TLR4: variants seen among roughly 807,000 people sequenced by gnomAD.
The protein encoded by TLR4 is toll like receptor 4, also known as toll-like receptor 4.
TLR4 carries 17 observed loss-of-function variants against 27.4 expected under a neutral mutation model. The observed-to-expected ratio is 0.62, with a 90% CI of 0.42 to 0.93. The LOEUF is 0.93. TLR4 is among the 40% of genes least tolerant of loss of function. The probability of loss-of-function intolerance (pLI) is 0.00; values close to 1 mark genes in which losing one functional copy is unlikely to be tolerated. For synonymous variants in TLR4, 363 were observed against 365.7 expected, an observed-to-expected ratio of 0.99 and a Z score of 0.08; for missense variants, 926 against 962.3, an observed-to-expected ratio of 0.96 and a Z score of 0.50.
At position 117,715,307 on chromosome 9, in the gene TLR4, C is replaced by T. The variant is rs1829325107; in HGVS notation, c.*659C>T. ...ATATCCAGTTTTCATTTTTTTACGT[C>T]TTGCCTATAAGCTAATATCATAAAT... On this transcript the variant is annotated 3_prime_UTR_variant, in exon 3 of 3. Coordinates refer to ENST00000355622, the MANE Select transcript of TLR4 (RefSeq NM_138554.5). 2 of 152,508 alleles carry T rather than the reference C, an allele frequency of 1.3e-5. No homozygotes were observed. The highest frequency in any genetic ancestry group is 2.4e-5 in the African/African-American group (1 of 41,408). The allele number at this position is 152,508 out of a possible 1,614,324, so 9.4% of individuals were successfully genotyped here.
chr9:117,713,232 A>T lies in TLR4; in HGVS notation c.1104A>T (p.Ser368=). 6.2e-7 allele frequency: 1 copy of T among 1,614,046 alleles called. No individual in the cohort carries two copies. The highest frequency in any genetic ancestry group is 8.5e-7 in the Non-Finnish European group (1 of 1,179,992). The stretch of plus-strand genomic sequence containing the variant: ...CCAACAAAGGTGGGAATGCTTTTTC[A>T]GAAGTTGATCTACCAAGCCTTGAGT... ...FTSNKGGNAF[S]EVDLPSLEFL... Residue 368 remains serine (S), a synonymous_variant, in exon 3 of 3, where the codon TCA becomes TCT. Transcript: ENST00000355622.
In TLR4 at chr9:117,719,686, C is replaced by T. The variant is rs957305355; in HGVS notation, c.*5038C>T. 3 of 151,876 alleles carry T rather than the reference C, an allele frequency of 2.0e-5. No individual in the cohort carries two copies. Among genetic ancestry groups the T allele is most frequent in the African/African-American group, 4.8e-5 (2 of 41,362 alleles). 9.4% of individuals were successfully genotyped at this position (151,876 alleles called of 1,614,324 possible). ...ATCATGTCTACAGTTGGTCTGACTT[C>T]CTGACGGGCATCACAGACTTGTGAT... On this transcript the variant is annotated 3_prime_UTR_variant, in exon 3 of 3. Transcript: ENST00000355622.
At position 117,714,651 on chromosome 9, in the gene TLR4, A is replaced by G; in HGVS notation, c.*3A>G. On this transcript the variant is annotated 3_prime_UTR_variant, in exon 3 of 3. Transcript: ENST00000355622. ...GGCAGGAAGCAACATCTATCTGAAGAGGAAAAATAAAAACCTCCTGAGGCA... is the reference window on the plus strand; with the variant it reads ...GGCAGGAAGCAACATCTATCTGAAGGGGAAAAATAAAAACCTCCTGAGGCA... The G allele has an allele frequency of 1.2e-6, 2 of 1,612,048 alleles. No individual in the cohort carries two copies. Among genetic ancestry groups the G allele is most frequent in the Non-Finnish European group, 1.7e-6 (2 of 1,179,802 alleles).
At chr9:117,705,651 C>T (rs1194832756) in intron 1 of TLR4, among the ~76,000 whole-genome samples, 1 of 152,160 alleles carries the variant, frequency 6.6e-6, no homozygotes, top group East Asian at 1.9e-4. Flanking sequence ...TAAGGCAGGC[C>T]CTCATTTCCC....
rs919374256 is a variant in TLR4, at chr9:117,712,979, C to A, written c.851C>A (p.Thr284Asn). The change falls in exon 3 of 3, where the codon ACC (threonine) becomes AAC (asparagine). Residue 284 changes from threonine (T) to asparagine (N), a missense_variant. Thr to Asn is a moderately conservative substitution (Grantham distance 65). Coordinates refer to ENST00000355622, the MANE Select transcript of TLR4 (RefSeq NM_138554.5). ...GCTCTAGAGGGCCTGTGCAATTTGA[C>A]CATTGAAGAATTCCGATTAGCATAC... is the stretch of plus-strand genomic sequence containing the variant. ...KSALEGLCNL[T>N]IEEFRLAYLD... 6.2e-7 allele frequency: 1 copy of A among 1,614,012 alleles called. No individual in the cohort carries two copies. Among genetic ancestry groups the A allele is most frequent in the Non-Finnish European group, 8.5e-7 (1 of 1,179,944 alleles).
rs201832981 is a variant in TLR4, at chr9:117,715,540, A to G, written c.*892A>G. 6.6e-6 allele frequency: 1 copy of G among 152,192 alleles called. No individual in the cohort carries two copies. The highest frequency in any genetic ancestry group is 6.5e-5 in the Admixed American group (1 of 15,280). 9.4% of individuals were successfully genotyped at this position (152,192 alleles called of 1,614,324 possible). ...AAGAAAATTTCCGCTTCCTGGTCTTATCATGGACAATTTGGGCTAGAGGCA... is the reference window on the plus strand; with the variant it reads ...AAGAAAATTTCCGCTTCCTGGTCTTGTCATGGACAATTTGGGCTAGAGGCA... On this transcript the variant is annotated 3_prime_UTR_variant, in exon 3 of 3. Transcript: ENST00000355622.
rs887511509 is a variant in TLR4, at chr9:117,717,557, CTG to C, written c.*2912_*2913del. 2.0e-5 allele frequency: 3 copies of C among 152,054 alleles called. No homozygotes were observed. The highest frequency in any genetic ancestry group is 4.4e-5 in the Non-Finnish European group (3 of 68,010). 9.4% of individuals were successfully genotyped at this position (152,054 alleles called of 1,614,324 possible). A position where few individuals can be genotyped will look rare whatever the true frequency, so the allele number is the denominator to read the frequency against. On this transcript the variant is annotated 3_prime_UTR_variant, in exon 3 of 3. Transcript: ENST00000355622. ...GACCATGAAACCTGGGAAAGTGAAA[CTG>C]TGGATAAGTGAGGAACTAACATACA...
intron 2 of TLR4, among the ~76,000 whole-genome samples, chr9:117,709,654 A>C (rs1038887361): frequency 6.6e-6 from 1 of 152,182 alleles, no homozygotes; most frequent in African/African-American, 2.4e-5. Flanking sequence ...AAAACATTTT[A>C]CATATTTTTT....
rs1829446363 is a variant in TLR4 at position 117,723,607 on chromosome 9, ACTC to A, written c.*8964_*8966del. The A allele has an allele frequency of 6.6e-6, 1 of 151,412 alleles. No individual in the cohort carries two copies. The highest frequency in any genetic ancestry group is 6.6e-5 in the Admixed American group (1 of 15,216). The allele number at this position is 151,412 out of a possible 1,614,324, so 9.4% of individuals were successfully genotyped here. ...GAGTTATTATGATAACAGATTGAAA[ACTC>A]CTCCAAGGAGGAGTTTCTCTTTTGC... is the stretch of plus-strand genomic sequence containing the variant. On this transcript the variant is annotated 3_prime_UTR_variant, in exon 3 of 3. Transcript: ENST00000355622.
At chr9:117,710,647 A>G (rs1248105188) in intron 2 of TLR4, among the ~76,000 whole-genome samples, 2 of 152,120 alleles carry the variant, frequency 1.3e-5, no homozygotes, top group Non-Finnish European at 2.9e-5. Context: ...CACAATAGAC[A>G]TCCTTTGCCT....
chr9:117,709,256 A>G (rs1189060434), intron 2 of TLR4, among the ~76,000 whole-genome samples: 2 of 152,154 alleles, frequency 1.3e-5, no homozygotes, highest in Non-Finnish European at 2.9e-5. Flanking sequence ...GTGATAAATT[A>G]TGTTTAAACT....
At position 117,717,443 on chromosome 9, in the gene TLR4, G is replaced by A. The variant is rs552007918; in HGVS notation, c.*2795G>A. 2 of 152,182 alleles carry A rather than the reference G, an allele frequency of 1.3e-5. No homozygotes were observed. Among genetic ancestry groups the A allele is most frequent in the African/African-American group, 2.4e-5 (1 of 41,542 alleles). 9.4% of individuals were successfully genotyped at this position (152,182 alleles called of 1,614,324 possible). On this transcript the variant is annotated 3_prime_UTR_variant, in exon 3 of 3. Transcript: ENST00000355622. ...AATTGAATAGTTATAATAATATATT[G>A]TAATAAAAGTTATGTGAATGTGATC...
In TLR4 at chr9:117,723,613, C is replaced by G. The variant is rs566328989; in HGVS notation, c.*8965C>G. The G allele has an allele frequency of 6.6e-5, 10 of 152,076 alleles. No individual in the cohort carries two copies. The highest frequency in any genetic ancestry group is 1.5e-4 in the Non-Finnish European group (10 of 68,000). The allele number at this position is 152,076 out of a possible 1,614,324, so 9.4% of individuals were successfully genotyped here. The stretch of plus-strand genomic sequence containing the variant: ...TTATGATAACAGATTGAAAACTCCT[C>G]CAAGGAGGAGTTTCTCTTTTGCCCC... On this transcript the variant is annotated 3_prime_UTR_variant, in exon 3 of 3. Coordinates refer to ENST00000355622, the MANE Select transcript of TLR4 (RefSeq NM_138554.5).
At position 117,723,493 on chromosome 9, in the gene TLR4, T is replaced by A. The variant is rs192749182; in HGVS notation, c.*8845T>A. On this transcript the variant is annotated 3_prime_UTR_variant, in exon 3 of 3. Coordinates refer to ENST00000355622, the MANE Select transcript of TLR4 (RefSeq NM_138554.5). ...TCTCTGTTTATCTATGAGATAACGTTATTTTTACGCTGTCTTCTGTGAAAG... is the reference window on the plus strand; with the variant it reads ...TCTCTGTTTATCTATGAGATAACGTAATTTTTACGCTGTCTTCTGTGAAAG... The A allele has an allele frequency of 6.6e-6, 1 of 152,300 alleles. No homozygotes were observed. 9.4% of individuals were successfully genotyped at this position (152,300 alleles called of 1,614,324 possible).
In TLR4 at chr9:117,723,748, A is replaced by G. The variant is rs1829448215; in HGVS notation, c.*9100A>G. Reference sequence around the variant, plus strand: ...TCTCCTCTATTTCAGCAATGTGTATACTTGGTCAGTTTTAATTATCTTAAA... The same window carrying G: ...TCTCCTCTATTTCAGCAATGTGTATGCTTGGTCAGTTTTAATTATCTTAAA... On this transcript the variant is annotated 3_prime_UTR_variant, in exon 3 of 3. Coordinates refer to ENST00000355622, the MANE Select transcript of TLR4 (RefSeq NM_138554.5). The G allele has an allele frequency of 6.6e-6, 1 of 152,152 alleles. No homozygotes were observed. Among genetic ancestry groups the G allele is most frequent in the African/African-American group, 2.4e-5 (1 of 41,420 alleles). 9.4% of individuals were successfully genotyped at this position (152,152 alleles called of 1,614,324 possible). A position where few individuals can be genotyped will look rare whatever the true frequency, so the allele number is the denominator to read the frequency against.
intron 1 of TLR4, chr9:117,708,094 A>C (rs10759933): frequency 0.066 from 47,717 of 718,130 alleles, 1,919 homozygotes; most frequent in African/African-American, 0.13. Flanking sequence ...GTGCTACTGC[A>C]GCAAGCACGA....
At position 117,717,060 on chromosome 9, in the gene TLR4, G is replaced by A. The variant is rs748327038; in HGVS notation, c.*2412G>A. On this transcript the variant is annotated 3_prime_UTR_variant, in exon 3 of 3. Transcript: ENST00000355622. ...CATGTACTAGTGAAAGTAGATGTGTGCATTTGTGCACATATCCCTATGTAT... is the reference window on the plus strand; with the variant it reads ...CATGTACTAGTGAAAGTAGATGTGTACATTTGTGCACATATCCCTATGTAT... 6.6e-6 allele frequency: 1 copy of A among 152,120 alleles called. No homozygotes were observed. The highest frequency in any genetic ancestry group is 2.4e-5 in the African/African-American group (1 of 41,420). 9.4% of individuals were successfully genotyped at this position (152,120 alleles called of 1,614,324 possible).
chr9:117,718,038 A>G lies in TLR4; in HGVS notation c.*3390A>G, dbSNP rs1564269287. On this transcript the variant is annotated 3_prime_UTR_variant, in exon 3 of 3. Transcript: ENST00000355622. Reference sequence around the variant, plus strand: ...ATGCCTTAAATTTGTGTGATACCTTACAACTTGAAACATATTCACAAAACT... The same window carrying G: ...ATGCCTTAAATTTGTGTGATACCTTGCAACTTGAAACATATTCACAAAACT... 1 of 152,218 alleles carries G rather than the reference A, an allele frequency of 6.6e-6. No homozygotes were observed. Among genetic ancestry groups the G allele is most frequent in the Non-Finnish European group, 1.5e-5 (1 of 68,018 alleles). The allele number at this position is 152,218 out of a possible 1,614,324, so 9.4% of individuals were successfully genotyped here. A position where few individuals can be genotyped will look rare whatever the true frequency, so the allele number is the denominator to read the frequency against.
In TLR4 at chr9:117,713,140, G is replaced by A; in HGVS notation, c.1012G>A (p.Val338Ile). 1 of 1,613,266 alleles carries A rather than the reference G, an allele frequency of 6.2e-7. No homozygotes were observed. The change falls in exon 3 of 3, where the codon GTT (valine) becomes ATT (isoleucine). Residue 338 changes from valine to isoleucine, a missense_variant. Coordinates refer to ENST00000355622, the MANE Select transcript of TLR4 (RefSeq NM_138554.5). ...YNFGWQHLEL[V>I]NCKFGQFPTL... Reference sequence around the variant, plus strand: ...TTTCGGATGGCAACATTTAGAATTAGTTAACTGTAAATTTGGACAGTTTCC... The same window carrying A: ...TTTCGGATGGCAACATTTAGAATTAATTAACTGTAAATTTGGACAGTTTCC...
Sources: allele counts gnomAD v4.1 joint callset (sites outside exome capture counted in the v4.1 genomes callset), GRCh38; gene constraint gnomAD v4.1.1; transcripts MANE v1.5; gene names NCBI Gene and HGNC (gene_info 2026-07-23, HGNC 2026-07-21).